ADGRL2: variants seen among roughly 807,000 people sequenced by gnomAD.
ADGRL2 encodes the protein calcium-independent alpha-latrotoxin receptor 2.
Under a neutral mutation model 157.4 loss-of-function variants are expected in ADGRL2, and 44 were observed. The observed-to-expected ratio is 0.28, with a 90% CI of 0.22 to 0.36. ADGRL2 has a LOEUF of 0.36. Ranked by LOEUF, ADGRL2 falls within the 10% of genes least tolerant of loss-of-function variation. The probability of loss-of-function intolerance (pLI) is 1.00; values close to 1 mark genes in which losing one functional copy is unlikely to be tolerated. For synonymous variants in ADGRL2, 585 were observed against 624.7 expected (o/e 0.94, Z 0.95); for missense variants, 1,510 against 1,768.9 (o/e 0.85, Z 2.63).
rs371231550 is a variant in ADGRL2, at chr1:81,545,233, G to A, written c.-247-35643G>A. ...TATTTTACCCAACATCATATAAGTAGTGGGATTCAAACTTATAGCTGCCCA... is the reference window on the plus strand; with the variant it reads ...TATTTTACCCAACATCATATAAGTAATGGGATTCAAACTTATAGCTGCCCA... On this transcript the variant is annotated intron_variant, in intron 2 of 24. Coordinates refer to the ADGRL2 transcript ENST00000370721. Among the ~76,000 whole-genome samples the A allele has an allele frequency of 1.6e-4, 24 of 151,992 alleles. No individual in the cohort carries two copies. In the East Asian group the frequency reaches 3.1e-3, roughly 20 times the overall value.
At chr1:81,796,184 T>G (rs1313194494), upstream of ADGRL2, among the ~76,000 whole-genome samples, 1 of 151,988 alleles carries the variant, frequency 6.6e-6, no homozygotes, top group Non-Finnish European at 1.5e-5. Context: ...AGAGACGGGG[T>G]TTCACTATCT....
intron 1 of ADGRL2, among the ~76,000 whole-genome samples, chr1:81,309,864 G>A (rs1035080517): frequency 1.3e-4 from 20 of 152,138 alleles, no homozygotes; most frequent in African/African-American, 4.8e-4. Context: ...TGTCAGTGGT[G>A]TAAAGTGCTC....
chr1:81,799,888 T>TA (rs11338695), upstream of ADGRL2, among the ~76,000 whole-genome samples: 3 of 151,968 alleles, frequency 2.0e-5, no homozygotes, highest in African/African-American at 7.2e-5. Context: ...AATTTTGCAA[T>TA]AAAAAAAAAA....
At chr1:81,598,647 T>C (rs1381961045) in intron 3 of ADGRL2, among the ~76,000 whole-genome samples, 1 of 152,164 alleles carries the variant, frequency 6.6e-6, no homozygotes, top group Non-Finnish European at 1.5e-5. Flanking sequence ...TTAAAGGACA[T>C]GTATATTGCA....
At chr1:81,887,247 G>C (rs1340436503) in intron 2 of ADGRL2, among the ~76,000 whole-genome samples, 1 of 152,166 alleles carries the variant, frequency 6.6e-6, no homozygotes, top group Non-Finnish European at 1.5e-5. Context: ...AGCCACCCAG[G>C]TAGTTTGATC....
At chr1:81,595,380 G>T (rs1167379183) in intron 3 of ADGRL2, among the ~76,000 whole-genome samples, 2 of 152,152 alleles carry the variant, frequency 1.3e-5, no homozygotes, top group South Asian at 4.1e-4. Context: ...TGTGAACAAT[G>T]TGCCTATTTT....
intron 6 of ADGRL2, among the ~76,000 whole-genome samples, chr1:81,946,140 A>G (rs1023188872): frequency 3.3e-5 from 5 of 152,178 alleles, no homozygotes; most frequent in Admixed American, 3.3e-4. Flanking sequence ...AGTTCAGGTC[A>G]TCTGTGCTGG....
chr1:81,695,570 A>G (rs1301009493), upstream of ADGRL2, among the ~76,000 whole-genome samples: 1 of 152,160 alleles, frequency 6.6e-6, no homozygotes, highest in African/African-American at 2.4e-5. Context: ...CTATAATCCC[A>G]GCACTTTGGG....
intron 1 of ADGRL2, chr1:81,722,575 C>T (rs927096740): frequency 1.4e-6 from 2 of 1,475,016 alleles, no homozygotes; most frequent in African/African-American, 1.4e-5. Flanking sequence ...AGCACACAGA[C>T]GCCTAGGCCA....
intron 3 of ADGRL2, among the ~76,000 whole-genome samples, chr1:81,655,516 G>A (rs564072334): frequency 1.1e-4 from 17 of 152,126 alleles, no homozygotes; most frequent in South Asian, 4.2e-4. Context: ...TTCTACACGC[G>A]TCCTCAAAGT....
At chr1:81,630,354 A>G (rs975779160) in intron 3 of ADGRL2, among the ~76,000 whole-genome samples, 2 of 152,158 alleles carry the variant, frequency 1.3e-5, no homozygotes, top group Admixed American at 1.3e-4. Context: ...TCAGCTAATA[A>G]CTTTTTATTC....
intron 2 of ADGRL2, among the ~76,000 whole-genome samples, chr1:81,853,504 T>C (rs2150568245): frequency 6.6e-6 from 1 of 152,210 alleles, no homozygotes; most frequent in African/African-American, 2.4e-5. Context: ...CCAGAGATCC[T>C]GGTGACGGCA....
At position 81,516,830 on chromosome 1, in the gene ADGRL2, G is replaced by T. The variant is rs188801327; in HGVS notation, c.-247-64046G>T. Among the ~76,000 whole-genome samples, 4 of 152,076 alleles carry T rather than the reference G, an allele frequency of 2.6e-5. No individual in the cohort carries two copies. The East Asian group carries it at 7.8e-4, about 30-fold the overall frequency. On this transcript the variant is annotated intron_variant, in intron 2 of 24. Transcript: ENST00000370721. ...CAACCCCTCCATTCACTAACTTTAT[G>T]ACTTCAAGCAAATGACTGGAGCTGC...
intron 1 of ADGRL2, among the ~76,000 whole-genome samples, chr1:81,414,943 G>A (rs1274523308): frequency 1.3e-5 from 2 of 152,084 alleles, no homozygotes; most frequent in South Asian, 4.1e-4. Flanking sequence ...ATCATCTTCC[G>A]TTTCCCATCT....
intron 1 of ADGRL2, among the ~76,000 whole-genome samples, chr1:81,707,272 C>T (rs1418553132): frequency 1.3e-5 from 2 of 152,160 alleles, no homozygotes; most frequent in Non-Finnish European, 1.5e-5. Context: ...CACAATCAGG[C>T]TCTTCCTACA....
chr1:81,767,329 TATAA>T (rs1214278773), intron 2 of ADGRL2, among the ~76,000 whole-genome samples: 1 of 152,188 alleles, frequency 6.6e-6, no homozygotes, highest in Non-Finnish European at 1.5e-5. Context: ...CTTGCAAATT[TATAA>T]GTAGATATGT....
chr1:81,856,512 G>C (rs759595275), intron 2 of ADGRL2, among the ~76,000 whole-genome samples: 2 of 152,118 alleles, frequency 1.3e-5, no homozygotes, highest in Non-Finnish European at 2.9e-5. Context: ...GGTCTCAACT[G>C]TCAGGCTGGC....
intron 1 of ADGRL2, among the ~76,000 whole-genome samples, chr1:81,741,383 C>T (rs913541121): frequency 6.6e-5 from 10 of 151,894 alleles, no homozygotes; most frequent in South Asian, 2.1e-4. Flanking sequence ...ACATAGTTCA[C>T]GCAGATCTAG....
chr1:81,669,790 A>G (rs1050359583), intron 3 of ADGRL2, among the ~76,000 whole-genome samples: 1 of 151,984 alleles, frequency 6.6e-6, no homozygotes, highest in African/African-American at 2.4e-5. Context: ...AAAATACAAA[A>G]AAATTAGCCA....
Sources: allele counts gnomAD v4.1 joint callset (sites outside exome capture counted in the v4.1 genomes callset), GRCh38; gene constraint gnomAD v4.1.1; transcripts MANE v1.5; gene names NCBI Gene and HGNC (gene_info 2026-07-23, HGNC 2026-07-21).